CCDC192: variants seen among roughly 807,000 people sequenced by gnomAD.
The protein encoded by CCDC192 is coiled-coil domain containing 192.
intron 6 of CCDC192, among the ~76,000 whole-genome samples, chr5:127,940,165 T>C (rs1432071132): frequency 6.6e-6 from 1 of 152,188 alleles, no homozygotes; most frequent in Non-Finnish European, 1.5e-5. Context: ...CTCTGTCCTT[T>C]CTGACTCAGG....
At chr5:127,722,969 A>AT (rs971608476) in intron 2 of CCDC192, among the ~76,000 whole-genome samples, 16 of 151,312 alleles carry the variant, frequency 1.1e-4, no homozygotes, top group Middle Eastern at 3.4e-3. Context: ...CAAATCTTGG[A>AT]TTTTTTTTTA....
At chr5:127,814,947 G>A (rs1419682131) in intron 5 of CCDC192, among the ~76,000 whole-genome samples, 1 of 151,974 alleles carries the variant, frequency 6.6e-6, no homozygotes, top group Non-Finnish European at 1.5e-5. Context: ...TTCTCTGATG[G>A]GTTTTTTTTA....
At chr5:127,758,597 C>T (rs1157895047) in intron 3 of CCDC192, among the ~76,000 whole-genome samples, 1 of 152,026 alleles carries the variant, frequency 6.6e-6, no homozygotes, top group Non-Finnish European at 1.5e-5. Flanking sequence ...CAACATATTA[C>T]CAAGTTTTGC....
chr5:127,770,728 G>A (rs368178940), intron 3 of CCDC192, among the ~76,000 whole-genome samples: 1 of 152,182 alleles, frequency 6.6e-6, no homozygotes, highest in Non-Finnish European at 1.5e-5. Flanking sequence ...AGGCAGTAAC[G>A]ATATAATTTT....
chr5:127,884,672 A>C (rs1448025537), intron 6 of CCDC192, among the ~76,000 whole-genome samples: 8 of 152,176 alleles, frequency 5.3e-5, no homozygotes, highest in East Asian at 1.9e-4. Flanking sequence ...GTGAAGGGCT[A>C]GGGAGTGTTA....
intron 2 of CCDC192, among the ~76,000 whole-genome samples, chr5:127,745,279 G>A (rs1033672984): frequency 6.6e-6 from 1 of 152,138 alleles, no homozygotes; most frequent in Non-Finnish European, 1.5e-5. Context: ...TAACAGCAAG[G>A]TAGAGGATAA....
intron 5 of CCDC192, among the ~76,000 whole-genome samples, chr5:127,822,459 G>T (rs1021745931): frequency 1.3e-5 from 2 of 151,750 alleles, no homozygotes; most frequent in Non-Finnish European, 1.5e-5. Context: ...GTCCTAGTGG[G>T]GTTAAAAAAA....
At chr5:127,738,255 G>A (rs1753150375) in intron 2 of CCDC192, among the ~76,000 whole-genome samples, 1 of 145,994 alleles carries the variant, frequency 6.8e-6, no homozygotes, top group Admixed American at 6.9e-5. Flanking sequence ...GTTGAATATT[G>A]GCCCCCACTC....
chr5:127,827,716 C>T (rs930836090), intron 5 of CCDC192, among the ~76,000 whole-genome samples: 1 of 152,156 alleles, frequency 6.6e-6, no homozygotes, highest in Admixed American at 6.5e-5. Context: ...AATAACTGGA[C>T]CAACATATAA....
At chr5:127,908,214 T>C (rs763201608) in intron 6 of CCDC192, among the ~76,000 whole-genome samples, 4 of 152,186 alleles carry the variant, frequency 2.6e-5, no homozygotes, top group Non-Finnish European at 5.9e-5. Context: ...TCCAGATAGA[T>C]GATTATTTTG....
intron 3 of CCDC192, 97 bp downstream of exon 3, chr5:127,754,472 TACACACACACAC>T (rs368830307): frequency 3.4e-6 from 1 of 297,818 alleles, no homozygotes; most frequent in East Asian, 5.2e-5. Flanking sequence ...CCTCTACTGA[TACACACACACAC>T]ACACACACAT....
At chr5:127,908,746 G>A (rs921890675) in intron 6 of CCDC192, among the ~76,000 whole-genome samples, 1 of 152,060 alleles carries the variant, frequency 6.6e-6, no homozygotes. Context: ...GGAGGCTGAG[G>A]GTTACTCCTC....
At chr5:127,837,912 C>G (rs959754912) in intron 5 of CCDC192, among the ~76,000 whole-genome samples, 1 of 152,130 alleles carries the variant, frequency 6.6e-6, no homozygotes, top group African/African-American at 2.4e-5. Context: ...TGCTTGAACC[C>G]AGGAGGCGGA....
chr5:127,915,021 AG>A (rs1477670294), intron 6 of CCDC192, among the ~76,000 whole-genome samples: 1 of 152,184 alleles, frequency 6.6e-6, no homozygotes, highest in East Asian at 1.9e-4. Context: ...TAGAAAACTA[AG>A]GGATATATTT....
At chr5:127,923,292 G>A (rs1387350700) in intron 6 of CCDC192, among the ~76,000 whole-genome samples, 3 of 152,066 alleles carry the variant, frequency 2.0e-5, no homozygotes, top group Non-Finnish European at 2.9e-5. Context: ...CCTTGTGAAC[G>A]GAACTCCAAT....
At chr5:127,830,827 A>T (rs886223784) in intron 5 of CCDC192, among the ~76,000 whole-genome samples, 3 of 152,172 alleles carry the variant, frequency 2.0e-5, no homozygotes, top group Admixed American at 2.0e-4. Context: ...AAATGAACTA[A>T]AAAACGAATA....
intron 1 of CCDC192, among the ~76,000 whole-genome samples, chr5:127,706,918 G>A (rs1031373107): frequency 3.3e-5 from 5 of 152,186 alleles, no homozygotes; most frequent in Non-Finnish European, 7.3e-5. Context: ...AGTAAGCCAA[G>A]TGGATAGACT....
intron 3 of CCDC192, chr5:127,785,831 G>A (rs536337588): frequency 5.0e-5 from 17 of 339,712 alleles, no homozygotes; most frequent in African/African-American, 2.2e-4. Context: ...CTTGGTAACC[G>A]CATTGTTGTT....
chr5:127,851,093 G>T (rs1750776056), intron 5 of CCDC192, among the ~76,000 whole-genome samples: 1 of 152,196 alleles, frequency 6.6e-6, no homozygotes, highest in Admixed American at 6.5e-5. Context: ...TAGTTCTGCT[G>T]CAGGATTGGG....
Sources: gnomAD v4.1 joint callset for allele counts (sites outside exome capture counted in the v4.1 genomes callset) on GRCh38, gnomAD v4.1.1 for gene constraint, MANE v1.5 for transcripts, NCBI Gene and HGNC (gene_info 2026-07-23, HGNC 2026-07-21) for gene names.